Variants in CEP70 observed in about 807,000 individuals in gnomAD.
CEP70 encodes the protein centrosomal protein of 70 kDa.
A neutral mutation model predicts 90.9 loss-of-function variants in CEP70; 70 were observed. The ratio of observed to expected loss-of-function variants is 0.77; its 90% confidence interval spans 0.64 to 0.94. The LOEUF (loss-of-function observed/expected upper bound fraction) is 0.94. Ranked by LOEUF, CEP70 falls within the 40% of genes least tolerant of loss-of-function variation. CEP70 has a pLI of 0.00. For missense variants in CEP70, 648 were observed against 669.0 expected (o/e 0.97, Z 0.35); for synonymous variants, 220 against 228.3 (o/e 0.96, Z 0.33).
At chr3:138,500,919 A>AAATC in intron 13 of CEP70, 38 bp from the exon 14 acceptor site, 1 of 1,065,082 alleles carries the variant, frequency 9.4e-7, no homozygotes, top group South Asian at 2.7e-5. Context: ...TTATTGATTT[A>AAATC]AATAATTTCT....
chr3:138,521,825 C>T (rs552519983), intron 11 of CEP70, among the ~76,000 whole-genome samples: 11 of 152,270 alleles, frequency 7.2e-5, no homozygotes, highest in East Asian at 1.9e-4. Flanking sequence ...ATGACGATGG[C>T]GGTTTTGTCA....
chr3:138,519,685 A>C (rs1009907846), intron 11 of CEP70, among the ~76,000 whole-genome samples: 18 of 152,302 alleles, frequency 1.2e-4, no homozygotes, highest in African/African-American at 2.9e-4. Context: ...GAAGGAAGCA[A>C]TAAACATGGA....
At chr3:138,593,754 C>T (rs1278282094) in intron 1 of CEP70, 3 of 152,194 alleles carry the variant, frequency 2.0e-5, no homozygotes. Context: ...AGTCCTCACT[C>T]CCCAAACAAC....
At chr3:138,519,469 C>A (rs544913873) in intron 11 of CEP70, among the ~76,000 whole-genome samples, 2 of 152,352 alleles carry the variant, frequency 1.3e-5, no homozygotes, top group African/African-American at 4.8e-5. Context: ...GCCCATCAGA[C>A]TAACAGCTCA....
intron 2 of CEP70, among the ~76,000 whole-genome samples, chr3:138,576,818 A>G (rs914044461): frequency 2.6e-5 from 4 of 152,246 alleles, no homozygotes; most frequent in African/African-American, 9.6e-5. Context: ...CCGCACAACT[A>G]CATGGAAACT....
intron 2 of CEP70, among the ~76,000 whole-genome samples, chr3:138,582,162 A>G (rs2041894490): frequency 6.6e-6 from 1 of 152,180 alleles, no homozygotes; most frequent in African/African-American, 2.4e-5. Flanking sequence ...TTGAAGGTAC[A>G]AAACTCACGG....
intron 6 of CEP70, among the ~76,000 whole-genome samples, chr3:138,556,289 G>A (rs370479420): frequency 3.9e-5 from 6 of 152,072 alleles, no homozygotes; most frequent in South Asian, 2.1e-4. Context: ...CAACACTTTC[G>A]GAGGCTAAGG....
intron 6 of CEP70, among the ~76,000 whole-genome samples, chr3:138,542,741 G>C (rs1159138079): frequency 6.6e-6 from 1 of 152,224 alleles, no homozygotes; most frequent in African/African-American, 2.4e-5. Flanking sequence ...CCAGGAACGT[G>C]TTACAGCTCC....
intron 2 of CEP70, among the ~76,000 whole-genome samples, chr3:138,579,121 C>T (rs536575873): frequency 2.0e-5 from 3 of 152,228 alleles, no homozygotes; most frequent in African/African-American, 7.2e-5. Flanking sequence ...AAAGGCAGTA[C>T]CAACAACACC....
chr3:138,571,181 C>T, intron 4 of CEP70, 24 bp from the exon 5 acceptor site: 1 of 1,552,552 alleles, frequency 6.4e-7, no homozygotes, highest in Non-Finnish European at 8.7e-7. Context: ...GTATATAATA[C>T]AGATAGTAAA....
chr3:138,556,527 CAAAAAAA>C (rs57583939), intron 6 of CEP70, among the ~76,000 whole-genome samples: 3 of 69,606 alleles, frequency 4.3e-5, no homozygotes, highest in African/African-American at 6.2e-5. Context: ...GACTCTGTCT[CAAAAAAA>C]AAAAAAAAAA....
At chr3:138,576,929 A>G (rs2041566713) in intron 2 of CEP70, among the ~76,000 whole-genome samples, 1 of 152,236 alleles carries the variant, frequency 6.6e-6, no homozygotes, top group Non-Finnish European at 1.5e-5. Flanking sequence ...AACATACCAG[A>G]ATCTTGGAAC....
intron 12 of CEP70, among the ~76,000 whole-genome samples, chr3:138,507,885 ATAATC>A (rs1414778181): frequency 6.6e-6 from 1 of 152,218 alleles, no homozygotes; most frequent in Non-Finnish European, 1.5e-5. Flanking sequence ...AAAAAAATGA[ATAATC>A]TAAAACTTAA....
At chr3:138,563,634 G>A (rs2607790) in intron 6 of CEP70, among the ~76,000 whole-genome samples, 69,206 of 151,960 alleles carry the variant, frequency 0.46, 17,346 homozygotes, top group Admixed American at 0.6. Flanking sequence ...AAATAAAGAT[G>A]TTCTTTGAAA....
chr3:138,594,051 G>A (rs116068626), intron 1 of CEP70, 147 bp downstream of exon 1: 11,466 of 152,394 alleles, frequency 0.075, 449 homozygotes, highest in Middle Eastern at 0.12. Context: ...CTTACGCAGG[G>A]ATTTTTAATT....
intron 2 of CEP70, among the ~76,000 whole-genome samples, chr3:138,583,169 T>C (rs1357972528): frequency 2.0e-5 from 3 of 152,222 alleles, no homozygotes; most frequent in African/African-American, 4.8e-5. Flanking sequence ...GCTATACTTA[T>C]ATCAGACAAA....
intron 3 of CEP70, among the ~76,000 whole-genome samples, chr3:138,572,057 C>G (rs183131827): frequency 2.5e-4 from 26 of 102,760 alleles, no homozygotes; most frequent in African/African-American, 9.2e-4. Flanking sequence ...AGATTACAGG[C>G]GTGAGCCACC....
chr3:138,497,831 T>A (rs576119443), intron 17 of CEP70, 200 bp downstream of exon 17: 1 of 985,326 alleles, frequency 1.0e-6, no homozygotes. Context: ...TAGTTCCTAT[T>A]GCTGTTAAGG....
intron 6 of CEP70, among the ~76,000 whole-genome samples, chr3:138,562,319 T>A (rs749388394): frequency 1.6e-4 from 24 of 151,898 alleles, no homozygotes; most frequent in Non-Finnish European, 3.5e-4. Flanking sequence ...AACCTAGCAA[T>A]ATTATAGGCC....
Sources: gnomAD v4.1 joint callset for allele counts (sites outside exome capture counted in the v4.1 genomes callset) on GRCh38, gnomAD v4.1.1 for gene constraint, MANE v1.5 for transcripts, NCBI Gene and HGNC (gene_info 2026-07-23, HGNC 2026-07-21) for gene names.